DLEC1: variants seen among roughly 807,000 people sequenced by gnomAD.
DLEC1 encodes deleted in lung and esophageal cancer protein 1.
A neutral mutation model predicts 198.1 loss-of-function variants in DLEC1; 146 were observed. The observed-to-expected ratio is 0.74, with a 90% confidence interval of 0.64 to 0.85. The LOEUF is 0.85. Ranked by LOEUF, DLEC1 falls within the 40% of genes least tolerant of loss-of-function variation. DLEC1 has a pLI of 0.00. For missense variants in DLEC1, 2,233 were observed against 2,220.0 expected, an observed-to-expected ratio of 1.01 and a Z score of -0.12; for synonymous variants, 897 against 866.8, an observed-to-expected ratio of 1.03 and a Z score of -0.61.
At chr3:38,063,991 A>G in intron 6 of DLEC1, 72 bp downstream of exon 6, 2 of 906,066 alleles carry the variant, frequency 2.2e-6, no homozygotes, top group Non-Finnish European at 3.1e-6. Flanking sequence ...TATTATGGAA[A>G]TTTTCTTTTT....
rs372877065 is a variant in DLEC1 at position 38,088,395 on chromosome 3, A to C, written c.1665+7A>C. On this transcript the variant is annotated splice_region_variant and intron_variant, in intron 10 of 36. Transcript: ENST00000308059. Reference sequence around the variant, plus strand: ...ACATGCTATATTAGTGGAGGTAGGTAATCAGACATTGGCATGTATTTCCTC... The same window carrying C: ...ACATGCTATATTAGTGGAGGTAGGTCATCAGACATTGGCATGTATTTCCTC... 51 of 1,607,954 alleles carry C rather than the reference A, an allele frequency of 3.2e-5. No homozygotes were observed. Among genetic ancestry groups the C allele is most frequent in the Non-Finnish European group, 4.3e-5 (50 of 1,175,566 alleles).
Position 38,110,186 on chromosome 3 carries a change from C to T in DLEC1, c.3348C>T (p.Leu1116=). 1.2e-6 allele frequency: 2 copies of T among 1,614,254 alleles called. No individual in the cohort carries two copies. The highest frequency in any genetic ancestry group is 1.7e-6 in the Non-Finnish European group (2 of 1,180,044). ...VPLRTRVTRQ[L]ILTNRSPIRT... The stretch of plus-strand genomic sequence containing the variant: ...TGAGGACCCGTGTGACTCGCCAGCT[C>T]ATTCTCACCAATCGCTCCCCAATAC... The change falls in exon 23 of 37, where the codon CTC becomes CTT. Residue 1116 remains leucine (L), a synonymous_variant. Transcript: ENST00000308059.
chr3:38,074,063 G>A (rs1229009827), intron 6 of DLEC1, among the ~76,000 whole-genome samples: 2 of 152,212 alleles, frequency 1.3e-5, no homozygotes, highest in African/African-American at 2.4e-5. Flanking sequence ...GACATGGCTT[G>A]GAAGGAATCC....
chr3:38,041,891 T>G (rs1014826072), intron 1 of DLEC1, among the ~76,000 whole-genome samples: 3 of 151,374 alleles, frequency 2.0e-5, no homozygotes, highest in African/African-American at 7.3e-5. Flanking sequence ...CAAAGATAAG[T>G]TGACTTTATA....
chr3:38,082,719 C>T (rs1366264115), intron 6 of DLEC1, among the ~76,000 whole-genome samples: 16 of 151,548 alleles, frequency 1.1e-4, no homozygotes, highest in African/African-American at 3.2e-4. Flanking sequence ...GGTACTTGCC[C>T]CTCCCCCAGA....
chr3:38,078,348 A>G (rs1271972545), intron 6 of DLEC1, among the ~76,000 whole-genome samples: 1 of 152,238 alleles, frequency 6.6e-6, no homozygotes, highest in African/African-American at 2.4e-5. Flanking sequence ...GTATTAAAGC[A>G]GCAGCAGCCG....
intron 2 of DLEC1, 90 bp from the exon 3 acceptor site, chr3:38,059,652 T>G: frequency 2.8e-6 from 3 of 1,067,058 alleles, no homozygotes; most frequent in Non-Finnish European, 4.2e-6. Flanking sequence ...TTAGATAGTT[T>G]AGGCTTGGCG....
chr3:38,066,403 C>T (rs1022186483), intron 6 of DLEC1, among the ~76,000 whole-genome samples: 1 of 152,234 alleles, frequency 6.6e-6, no homozygotes, highest in African/African-American at 2.4e-5. Flanking sequence ...CTTGTACTCT[C>T]CTGATATCTA....
intron 15 of DLEC1, 90 bp downstream of exon 15, chr3:38,096,827 G>A: frequency 7.0e-7 from 1 of 1,434,682 alleles, no homozygotes; most frequent in Non-Finnish European, 9.4e-7. Flanking sequence ...AGGGGCAGAT[G>A]GTAGCAGCCA....
At chr3:38,113,891 T>G (rs1052597819) in intron 25 of DLEC1, among the ~76,000 whole-genome samples, 1 of 152,066 alleles carries the variant, frequency 6.6e-6, no homozygotes, top group African/African-American at 2.4e-5. Context: ...AAAATAAGAT[T>G]TATTACTTTT....
rs778735114 is a variant in DLEC1 at position 38,110,241 on chromosome 3, T to C, written c.3403T>C (p.Phe1135Leu). Residue 1135 changes from phenylalanine to leucine, a missense_variant, in exon 23 of 37, where the codon TTC becomes CTC. Transcript: ENST00000308059. ...CCGTTTCTCCCTCAAGTTTGAGTAT[T>C]TCGGGAGCCCCCAAAACAGCCTGAG... ...RTRFSLKFEY[F>L]GSPQNSLSKK... The C allele has an allele frequency of 6.2e-7, 1 of 1,614,134 alleles. No individual in the cohort carries two copies.
intron 2 of DLEC1, among the ~76,000 whole-genome samples, chr3:38,053,542 G>A (rs1304034611): frequency 2.2e-4 from 29 of 134,472 alleles, no homozygotes; most frequent in East Asian, 6.9e-4. Flanking sequence ...AGTGAGGAGC[G>A]TCTCCACCCG....
intron 23 of DLEC1, among the ~76,000 whole-genome samples, chr3:38,111,404 G>C (rs977329651): frequency 2.0e-5 from 3 of 152,228 alleles, no homozygotes; most frequent in Non-Finnish European, 4.4e-5. Flanking sequence ...AGGGAGTCCT[G>C]CTTCAGAGCC....
chr3:38,076,484 G>A (rs1219086694), intron 6 of DLEC1, among the ~76,000 whole-genome samples: 1 of 152,080 alleles, frequency 6.6e-6, no homozygotes, highest in Non-Finnish European at 1.5e-5. Flanking sequence ...GCAGGCAGGA[G>A]TGGGGGTCGC....
intron 2 of DLEC1, among the ~76,000 whole-genome samples, chr3:38,050,569 G>A (rs1249134451): frequency 6.6e-6 from 1 of 152,034 alleles, no homozygotes; most frequent in Non-Finnish European, 1.5e-5. Context: ...GGCCAGGTGA[G>A]CTAATATAGT....
chr3:38,107,805 G>T (rs189014634), intron 20 of DLEC1, 68 bp downstream of exon 20: 1 of 1,525,550 alleles, frequency 6.6e-7, no homozygotes, highest in South Asian at 1.2e-5. Flanking sequence ...ATAGAGGGGG[G>T]CATTGTCCCC....
intron 2 of DLEC1, among the ~76,000 whole-genome samples, chr3:38,057,695 T>A (rs1696448069): frequency 6.6e-6 from 1 of 152,200 alleles, no homozygotes; most frequent in African/African-American, 2.4e-5. Flanking sequence ...ACATACGTAC[T>A]CTAGTGAGTG....
chr3:38,116,314 T>G (rs1700154533), intron 27 of DLEC1, 139 bp from the exon 28 acceptor site: 4 of 743,816 alleles, frequency 5.4e-6, no homozygotes, highest in Non-Finnish European at 8.8e-6. Context: ...GAAGTGGCAT[T>G]AGAGAGGCAG....
chr3:38,117,386 C>T lies in DLEC1; in HGVS notation c.4400+84C>T, dbSNP rs1019788146. ...CACTGGTGGAGCCAGGCAGGGTTCT[C>T]AGAGCAAAAGGACGGGCATGGGTGG... is the stretch of plus-strand genomic sequence containing the variant. On this transcript the variant is annotated intron_variant, in intron 31 of 36. Coordinates refer to ENST00000308059, the MANE Select transcript of DLEC1 (RefSeq NM_007335.4). 2.0e-5 allele frequency: 32 copies of T among 1,601,744 alleles called. No homozygotes were observed. The African/African-American group carries it at 4.2e-4, about 21-fold the overall frequency.
Sources: gnomAD v4.1 joint callset for allele counts (sites outside exome capture counted in the v4.1 genomes callset) on GRCh38, gnomAD v4.1.1 for gene constraint, MANE v1.5 for transcripts, NCBI Gene and HGNC (gene_info 2026-07-23, HGNC 2026-07-21) for gene names.